SLC22A25: variants seen among roughly 807,000 people sequenced by gnomAD.
SLC22A25 encodes solute carrier family 22 member 25.
SLC22A25 carries 44 observed loss-of-function variants against 45.9 expected under a neutral mutation model. The ratio of observed to expected loss-of-function variants is 0.96; its 90% CI spans 0.75 to 1.23. The LOEUF (loss-of-function observed/expected upper bound fraction) is 1.23. Among genes scored for constraint, SLC22A25 ranks in the 50% most tolerant of loss-of-function variants. The pLI, the probability that SLC22A25 is intolerant of heterozygous loss-of-function variation, is 0.00. For synonymous variants in SLC22A25, 283 were observed against 238.6 expected (o/e 1.19, Z -1.72); for missense variants, 800 against 666.4 (o/e 1.20, Z -2.21).
chr11:63,194,947 C>T (rs1306889942), intron 7 of SLC22A25, among the ~76,000 whole-genome samples: 6 of 109,060 alleles, frequency 5.5e-5, no homozygotes, highest in African/African-American at 2.0e-4. Context: ...GCAGGGGTTG[C>T]AATCCTAGTC....
chr11:63,208,119 G>A (rs2089457896), intron 7 of SLC22A25: 1 of 152,266 alleles, frequency 6.6e-6, no homozygotes, highest in African/African-American at 2.4e-5. Flanking sequence ...TCCTTTGCCT[G>A]TGGGACTACA....
At chr11:63,199,743 T>A (rs1341534677) in intron 7 of SLC22A25, among the ~76,000 whole-genome samples, 1 of 151,726 alleles carries the variant, frequency 6.6e-6, no homozygotes, top group Admixed American at 6.6e-5. Flanking sequence ...GCAAAAAAAA[T>A]GCAGCAAGAC....
At chr11:63,220,993 A>G (rs904094159) in intron 5 of SLC22A25, among the ~76,000 whole-genome samples, 1 of 152,174 alleles carries the variant, frequency 6.6e-6, no homozygotes, top group East Asian at 1.9e-4. Context: ...TCTACTTTGT[A>G]TATGTACCAT....
At chr11:63,234,184 G>T (rs1271716761) in intron 3 of SLC22A25, among the ~76,000 whole-genome samples, 2 of 152,070 alleles carry the variant, frequency 1.3e-5, no homozygotes, top group East Asian at 1.9e-4. Flanking sequence ...TTAGTTCCTG[G>T]ATATCCTTGT....
At position 63,164,559 on chromosome 11, in the gene SLC22A25, G is replaced by A; in HGVS notation, c.1361C>T (p.Ala454Val). 1 of 1,613,728 alleles carries A rather than the reference G, an allele frequency of 6.2e-7. No individual in the cohort carries two copies. Among genetic ancestry groups the A allele is most frequent in the South Asian group, 1.1e-5 (1 of 91,072 alleles). The change falls in exon 11 of 12, where the codon GCC becomes GTC. Residue 454 changes from alanine to valine, a missense_variant. By Grantham distance (64) the Ala-to-Val change is moderately conservative. Transcript: ENST00000306494. ...GGAAGGAATTAGTTCATTTTCTTGGGCAGTAGAACAGGTAATGCCAAGAGA... is the reference window on the plus strand; with the variant it reads ...GGAAGGAATTAGTTCATTTTCTTGGACAGTAGAACAGGTAATGCCAAGAGA... ...AASLGITCST[A>V]QENELIPSII...
chr11:63,179,068 T>C (rs1303569035), intron 9 of SLC22A25, among the ~76,000 whole-genome samples: 1 of 152,090 alleles, frequency 6.6e-6, no homozygotes, highest in Non-Finnish European at 1.5e-5. Context: ...TTGAAGCAAT[T>C]CTGGTGCTTC....
chr11:63,209,392 G>A (rs991809842), intron 7 of SLC22A25, among the ~76,000 whole-genome samples: 1 of 152,048 alleles, frequency 6.6e-6, no homozygotes, highest in African/African-American at 2.4e-5. Flanking sequence ...AGAGAATGTC[G>A]GCCCCCATAT....
At chr11:63,185,790 G>A (rs377121445) in intron 7 of SLC22A25, among the ~76,000 whole-genome samples, 2 of 144,372 alleles carry the variant, frequency 1.4e-5, no homozygotes, top group South Asian at 2.2e-4. Flanking sequence ...GAGAATATGC[G>A]GTGTTTGGTT....
In SLC22A25 at chr11:63,183,748, T is replaced by A; in HGVS notation, c.900A>T (p.Arg300Ser). 1 of 1,613,354 alleles carries A rather than the reference T, an allele frequency of 6.2e-7. No homozygotes were observed. The change falls in exon 8 of 12, where the codon AGA becomes AGT. Residue 300 changes from arginine (R) to serine (S), a missense_variant. Transcript: ENST00000306494. ...NKPEEGLKEL[R>S]KAAHRNGMKN... ...TCATTCCATTCCTGTGTGCAGCTTT[T>A]CTAAGTTCCTTTAAGCCCTCTTCTG... is the stretch of plus-strand genomic sequence containing the variant.
intron 7 of SLC22A25, among the ~76,000 whole-genome samples, chr11:63,190,949 C>T (rs905821555): frequency 6.6e-6 from 1 of 152,228 alleles, no homozygotes; most frequent in East Asian, 1.9e-4. Context: ...AGGTGTCAGT[C>T]TGCCCCTACT....
chr11:63,170,890 A>C (rs2087855321), intron 9 of SLC22A25, among the ~76,000 whole-genome samples: 1 of 152,326 alleles, frequency 6.6e-6, no homozygotes, highest in Admixed American at 6.5e-5. Context: ...AATATCCCTG[A>C]TGAACATCAA....
At chr11:63,177,837 G>A (rs1022789005) in intron 9 of SLC22A25, among the ~76,000 whole-genome samples, 1 of 56,336 alleles carries the variant, frequency 1.8e-5, no homozygotes, top group Non-Finnish European at 3.7e-5. Context: ...TATATATAAT[G>A]TGTATATATA....
At chr11:63,240,268 G>A (rs1185262821) in intron 1 of SLC22A25, among the ~76,000 whole-genome samples, 1 of 152,174 alleles carries the variant, frequency 6.6e-6, no homozygotes, top group Non-Finnish European at 1.5e-5. Flanking sequence ...AAGTTGCTCT[G>A]GGTGAGTCAG....
At chr11:63,193,619 T>A (rs1038603582) in intron 7 of SLC22A25, among the ~76,000 whole-genome samples, 1 of 151,932 alleles carries the variant, frequency 6.6e-6, no homozygotes, top group Non-Finnish European at 1.5e-5. Flanking sequence ...AGCACCAACA[T>A]CAACAAAAAG....
chr11:63,215,788 T>C (rs1232151356), intron 7 of SLC22A25, among the ~76,000 whole-genome samples: 3 of 152,098 alleles, frequency 2.0e-5, no homozygotes, highest in Non-Finnish European at 4.4e-5. Context: ...CCCTCTCAAG[T>C]GGACCCCAGT....
chr11:63,161,690 G>A lies in SLC22A25; in HGVS notation c.*2134C>T, dbSNP rs1185976136. Among the ~76,000 whole-genome samples, 2 of 152,216 alleles carry A rather than the reference G, an allele frequency of 1.3e-5. No homozygotes were observed. The highest frequency in any genetic ancestry group is 1.3e-4 in the Admixed American group (2 of 15,280). On this transcript the variant is annotated 3_prime_UTR_variant, in exon 12 of 12. Coordinates refer to ENST00000306494, the MANE Select transcript of SLC22A25 (RefSeq NM_199352.6). ...AGGATTGTGAGGCTTCACCAGCTAT[G>A]TGGAACTGTGAGTCCATTAAACCTC...
chr11:63,174,709 G>C (rs376149834), intron 9 of SLC22A25, among the ~76,000 whole-genome samples: 42 of 152,212 alleles, frequency 2.8e-4, no homozygotes, highest in African/African-American at 1.0e-3. Flanking sequence ...TAAGTGTACA[G>C]TAAAATATTC....
intron 9 of SLC22A25, chr11:63,166,645 A>G (rs1164601453): frequency 9.9e-6 from 10 of 1,006,042 alleles, no homozygotes; most frequent in Non-Finnish European, 1.2e-5. Flanking sequence ...TCAAACTCAC[A>G]GTAAAGATCT....
At chr11:63,220,514 A>T (rs1017416356) in intron 5 of SLC22A25, among the ~76,000 whole-genome samples, 3 of 152,180 alleles carry the variant, frequency 2.0e-5, no homozygotes, top group African/African-American at 7.2e-5. Flanking sequence ...GTGTATACTT[A>T]TGGAGTATAT....
Sources: allele counts gnomAD v4.1 joint callset (sites outside exome capture counted in the v4.1 genomes callset), GRCh38; gene constraint gnomAD v4.1.1; transcripts MANE v1.5; gene names NCBI Gene and HGNC (gene_info 2026-07-23, HGNC 2026-07-21).